Variants in CELF3 observed in about 807,000 individuals in gnomAD.
The protein encoded by CELF3 is CUGBP Elav-like family member 3.
CELF3 carries 26 observed loss-of-function variants against 59.6 expected under a neutral mutation model. That is an observed-to-expected ratio of 0.44 (90% CI 0.32 to 0.61). The LOEUF (loss-of-function observed/expected upper bound fraction) is 0.61. Among genes scored for constraint, CELF3 ranks in the 20% least tolerant of loss-of-function variants. The probability of loss-of-function intolerance (pLI) is 0.06; values close to 1 mark genes in which losing one functional copy is unlikely to be tolerated. For synonymous variants in CELF3, 245 were observed against 250.7 expected (o/e 0.98, Z 0.22); for missense variants, 387 against 627.2 (o/e 0.62, Z 4.09).
In CELF3 at chr1:151,705,697, T is replaced by G. The variant is rs1672450289; in HGVS notation, c.1270+125A>C. On this transcript the variant is annotated intron_variant, in intron 11 of 12. Coordinates refer to ENST00000290583, the MANE Select transcript of CELF3 (RefSeq NM_007185.7). The surrounding 1 kb of genome is among the most constrained non-coding windows in gnomAD (Gnocchi z 5.1). The stretch of plus-strand genomic sequence containing the variant: ...CATGTTGGGTGTGTCAAAATGGCTC[T>G]TTTGTACTCTTGGATAATCAGTATT... 9.0e-7 allele frequency: 1 copy of G among 1,110,298 alleles called. No individual in the cohort carries two copies. The highest frequency in any genetic ancestry group is 1.3e-6 in the Non-Finnish European group (1 of 772,210). The allele number at this position is 1,110,298 out of a possible 1,614,324, so 68.8% of individuals were successfully genotyped here.
chr1:151,707,174 A>G lies in CELF3; in HGVS notation c.893T>C (p.Leu298Pro). 6.5e-7 allele frequency: 1 copy of G among 1,528,958 alleles called. No individual in the cohort carries two copies. Among genetic ancestry groups the G allele is most frequent in the South Asian group, 1.3e-5 (1 of 78,368 alleles). The allele number at this position is 1,528,958 out of a possible 1,614,324, so 94.7% of individuals were successfully genotyped here. A position where few individuals can be genotyped will look rare whatever the true frequency, so the allele number is the denominator to read the frequency against. Residue 298 changes from leucine (L) to proline (P), a missense_variant, in exon 8 of 13, where the codon CTG becomes CCG. Around this residue, in one of 3 missense-constraint regions of CELF3, gnomAD observed 131 missense variants for 153.7 expected, o/e 0.85. Coordinates refer to ENST00000290583, the MANE Select transcript of CELF3 (RefSeq NM_007185.7). The stretch of plus-strand genomic sequence containing the variant: ...GTAGGGGTGAACCCCGTTGGGATAC[A>G]GAGCATCAGGGGCAGGCTGCCCAGT... ...QPTGQPAPDA[L>P]YPNGVHPYPA...
intron 12 of CELF3, among the ~76,000 whole-genome samples, chr1:151,703,892 T>C (rs972621075): frequency 3.3e-5 from 5 of 152,028 alleles, no homozygotes; most frequent in Admixed American, 2.6e-4. Flanking sequence ...TGGAGTCTCA[T>C]GGGGTGAGAC....
chr1:151,707,918 C>T lies in CELF3; in HGVS notation c.504G>A (p.Leu168=), dbSNP rs1672708923. The change falls in exon 6 of 13, where the codon CTG becomes CTA. Residue 168 remains leucine, a synonymous_variant. Transcript: ENST00000290583. ...SRTLPGASSS[L]VVKFADTEKE... ...TCTCAGTGTCAGCAAACTTCACCAC[C>T]AGGCTGGACGAGGCACCCTGGGCAC... 1.9e-6 allele frequency: 3 copies of T among 1,612,674 alleles called. No homozygotes were observed. The highest frequency in any genetic ancestry group is 1.6e-4 in the Middle Eastern group (1 of 6,074).
Position 151,716,556 on chromosome 1 carries a change from C to T in CELF3, c.-536G>A. 1 of 337,516 alleles carries T rather than the reference C, an allele frequency of 3.0e-6. No individual in the cohort carries two copies. 20.9% of individuals were successfully genotyped at this position (337,516 alleles called of 1,614,324 possible). A position where few individuals can be genotyped will look rare whatever the true frequency, so the allele number is the denominator to read the frequency against. ...CCCTGGGAGGACACCTCCCCTGTGG[C>T]GGATCCTTCTGCTGGGTCCGAAGAT... On this transcript the variant is annotated 5_prime_UTR_variant, in exon 1 of 13. Coordinates refer to ENST00000290583, the MANE Select transcript of CELF3 (RefSeq NM_007185.7).
Position 151,706,246 on chromosome 1 carries a change from T to TTGCTGCTGCTGCTGC in CELF3, c.1089_1103dup (p.Gln369_Gln373dup). On this transcript the variant is annotated inframe_insertion, in exon 10 of 13. Transcript: ENST00000290583. ...CACCTTCTCTTTGCTGCTGCTGCTG[T>TTGCTGCTGCTGCTGC]TGCTGCTGCTGCTGCTGCTGCTGCT... 4 of 1,597,542 alleles carry TTGCTGCTGCTGCTGC rather than the reference T, an allele frequency of 2.5e-6. No individual in the cohort carries two copies. Among genetic ancestry groups the TTGCTGCTGCTGCTGC allele is most frequent in the East Asian group, 2.3e-5 (1 of 43,944 alleles).
In CELF3 at chr1:151,701,171, A is replaced by G. The variant is rs1333616780; in HGVS notation, c.*2288T>C. The G allele has an allele frequency of 6.6e-6, 1 of 152,260 alleles. No individual in the cohort carries two copies. Among genetic ancestry groups the G allele is most frequent in the Non-Finnish European group, 1.5e-5 (1 of 68,090 alleles). The allele number at this position is 152,260 out of a possible 1,614,324, so 9.4% of individuals were successfully genotyped here. ...AATCAGCTGAATACTTTAGAGGTAG[A>G]CTTGGTAGGGCTTTGCAGTTGGATT... On this transcript the variant is annotated 3_prime_UTR_variant, in exon 13 of 13. Coordinates refer to ENST00000290583, the MANE Select transcript of CELF3 (RefSeq NM_007185.7).
At chr1:151,706,526 AC>A in intron 9 of CELF3, 142 bp downstream of exon 9, 1 of 1,167,592 alleles carries the variant, frequency 8.6e-7, no homozygotes, top group Non-Finnish European at 1.2e-6. Flanking sequence ...GCCCTTAAAG[AC>A]CCCTCCCCAC....
Position 151,709,371 on chromosome 1 carries a change from A to G in CELF3, c.278-23T>C. Reference sequence around the variant, plus strand: ...CTTCTGGGTGGTAGGGCACAGGAGGAGGGCATGTTCAGGGCCTCCTGGCTG... The same window carrying G: ...CTTCTGGGTGGTAGGGCACAGGAGGGGGGCATGTTCAGGGCCTCCTGGCTG... On this transcript the variant is annotated intron_variant, in intron 3 of 12. Coordinates refer to ENST00000290583, the MANE Select transcript of CELF3 (RefSeq NM_007185.7). This position sits in a 1 kb window ranked among gnomAD's most constrained non-coding sequence, Gnocchi z 4.9. The G allele has an allele frequency of 6.2e-7, 1 of 1,613,722 alleles. No homozygotes were observed. The highest frequency in any genetic ancestry group is 8.5e-7 in the Non-Finnish European group (1 of 1,179,800).
In CELF3 at chr1:151,701,767, T is replaced by A. The variant is rs541226905; in HGVS notation, c.*1692A>T. Among the ~76,000 whole-genome samples the A allele has an allele frequency of 4.0e-5, 6 of 151,640 alleles. No individual in the cohort carries two copies. Among genetic ancestry groups the A allele is most frequent in the Non-Finnish European group, 5.9e-5 (4 of 67,856 alleles). ...TGTCTACAAAAAAAAACACCATTTT[T>A]AAAAATGAGCTGGGCGTGGTGGTGC... On this transcript the variant is annotated 3_prime_UTR_variant, in exon 13 of 13. Coordinates refer to ENST00000290583, the MANE Select transcript of CELF3 (RefSeq NM_007185.7).
chr1:151,712,333 T>C (rs1001857224), intron 2 of CELF3, among the ~76,000 whole-genome samples: 1 of 152,108 alleles, frequency 6.6e-6, no homozygotes, highest in Non-Finnish European at 1.5e-5. Context: ...TAGCAAAAAC[T>C]CCACTTCCAA....
Position 151,703,051 on chromosome 1 carries a change from C to A in CELF3, c.*408G>T. Reference sequence around the variant, plus strand: ...GGGAAGAGGCTGGGGTGAGGGTGAGCTGGGAGTGTGTGGCAGGCCCCTGCG... The same window carrying A: ...GGGAAGAGGCTGGGGTGAGGGTGAGATGGGAGTGTGTGGCAGGCCCCTGCG... On this transcript the variant is annotated 3_prime_UTR_variant, in exon 13 of 13. Coordinates refer to ENST00000290583, the MANE Select transcript of CELF3 (RefSeq NM_007185.7). 5.0e-6 allele frequency: 2 copies of A among 403,792 alleles called. No homozygotes were observed. The highest frequency in any genetic ancestry group is 5.0e-6 in the Non-Finnish European group (1 of 200,326). The allele number at this position is 403,792 out of a possible 1,614,324, so 25.0% of individuals were successfully genotyped here.
At chr1:151,714,517 T>G in intron 2 of CELF3, 77 bp downstream of exon 2, 1 of 1,010,502 alleles carries the variant, frequency 9.9e-7, no homozygotes, top group Non-Finnish European at 1.5e-6. Flanking sequence ...TTATGCTCAG[T>G]GTCAGGAGGG....
At position 151,716,370 on chromosome 1, in the gene CELF3, G is replaced by A; in HGVS notation, c.-350C>T. 1 of 291,286 alleles carries A rather than the reference G, an allele frequency of 3.4e-6. No homozygotes were observed. Among genetic ancestry groups the A allele is most frequent in the Non-Finnish European group, 6.6e-6 (1 of 151,886 alleles). The allele number at this position is 291,286 out of a possible 1,614,324, so 18.0% of individuals were successfully genotyped here. On this transcript the variant is annotated 5_prime_UTR_variant, in exon 1 of 13. Coordinates refer to ENST00000290583, the MANE Select transcript of CELF3 (RefSeq NM_007185.7). ...AGCCGGGGGTGCTAGGGCTTAGAGG[G>A]CTGGGAACTGGGAGTTGAGATGAGA...
chr1:151,703,654 G>C (rs1168791644), intron 12 of CELF3, among the ~76,000 whole-genome samples: 1 of 152,126 alleles, frequency 6.6e-6, no homozygotes, highest in Non-Finnish European at 1.5e-5. Flanking sequence ...ACAGGAGGGA[G>C]GGGGCAAACC....
At chr1:151,708,324 C>T (rs952692272) in intron 5 of CELF3, 4 of 218,976 alleles carry the variant, frequency 1.8e-5, no homozygotes, top group Non-Finnish European at 3.6e-5. Context: ...GACTCCTGCC[C>T]CCACACCCCA....
rs998474138 is a variant in CELF3 at position 151,709,470 on chromosome 1, G to A, written c.278-122C>T. ...CTGCTACCCTTAGGGTCCAATGGCT[G>A]TAGGGGCTGATGGTTGGGGAATGGG... On this transcript the variant is annotated intron_variant, in intron 3 of 12. Transcript: ENST00000290583. This position sits in a 1 kb window ranked among gnomAD's most constrained non-coding sequence, Gnocchi z 4.9. The A allele has an allele frequency of 7.2e-7, 1 of 1,380,090 alleles. No individual in the cohort carries two copies. Among genetic ancestry groups the A allele is most frequent in the Non-Finnish European group, 1.0e-6 (1 of 989,934 alleles). The allele number at this position is 1,380,090 out of a possible 1,614,324, so 85.5% of individuals were successfully genotyped here. A position where few individuals can be genotyped will look rare whatever the true frequency, so the allele number is the denominator to read the frequency against.
chr1:151,716,151 C>A lies in CELF3; in HGVS notation c.-131G>T. The A allele has an allele frequency of 1.1e-6, 1 of 901,114 alleles. No individual in the cohort carries two copies. The highest frequency in any genetic ancestry group is 1.8e-5 in the South Asian group (1 of 55,586). 55.8% of individuals were successfully genotyped at this position (901,114 alleles called of 1,614,324 possible). ...GGCTGGCTTTCCCTTTGGCCCCCAA[C>A]CACGCTGCTAAGCAGAGGGGCGGCT... On this transcript the variant is annotated 5_prime_UTR_variant, in exon 1 of 13. Coordinates refer to ENST00000290583, the MANE Select transcript of CELF3 (RefSeq NM_007185.7).
At chr1:151,704,952 T>C in intron 12 of CELF3, 79 bp downstream of exon 12, 1 of 1,442,260 alleles carries the variant, frequency 6.9e-7, no homozygotes, top group Non-Finnish European at 9.4e-7. Context: ...AGGACAGGGG[T>C]TGGGGGTGTA....
In CELF3 at chr1:151,709,115, C is replaced by T. The variant is rs762985904; in HGVS notation, c.407-38G>A. 2 of 1,610,010 alleles carry T rather than the reference C, an allele frequency of 1.2e-6. No homozygotes were observed. The highest frequency in any genetic ancestry group is 1.7e-6 in the Non-Finnish European group (2 of 1,177,026). The stretch of plus-strand genomic sequence containing the variant: ...AGATGGAGGAGGAGAGGGGTAAGCA[C>T]CCATCCCTGCGGGACCCCGCGGTGG... On this transcript the variant is annotated intron_variant, in intron 4 of 12. Transcript: ENST00000290583. This position sits in a 1 kb window ranked among gnomAD's most constrained non-coding sequence, Gnocchi z 4.9.
Sources: gnomAD v4.1 joint callset for allele counts (sites outside exome capture counted in the v4.1 genomes callset) on GRCh38, gnomAD v4.1.1 for gene constraint, gnomAD v4.1.1 regional missense constraint, Gnocchi (gnomAD v3.1) non-coding constraint, MANE v1.5 for transcripts, NCBI Gene and HGNC (gene_info 2026-07-23, HGNC 2026-07-21) for gene names.